MTMR2: variants seen among roughly 807,000 people sequenced by gnomAD.
The protein encoded by MTMR2 is myotubularin related protein 2, also known as phosphatidylinositol-3,5-bisphosphate 3-phosphatase MTMR2.
MTMR2 carries 55 observed loss-of-function variants against 86.9 expected under a neutral mutation model. The observed-to-expected ratio is 0.63, with a 90% CI of 0.51 to 0.79. The LOEUF is 0.79. Ranked by LOEUF, MTMR2 falls within the 30% of genes least tolerant of loss-of-function variation. MTMR2 has a pLI of 0.00. For missense variants in MTMR2, 659 were observed against 772.3 expected, an observed-to-expected ratio of 0.85 and a Z score of 1.74; for synonymous variants, 241 against 266.8, an observed-to-expected ratio of 0.90 and a Z score of 0.94.
chr11:95,858,165 C>A (rs1232493316), intron 6 of MTMR2, among the ~76,000 whole-genome samples: 1 of 152,110 alleles, frequency 6.6e-6, no homozygotes, highest in African/African-American at 2.4e-5. Flanking sequence ...AGTGGGAACT[C>A]AGGGTTTGCC....
chr11:95,884,536 TCTGA>T (rs1481816035), intron 2 of MTMR2, among the ~76,000 whole-genome samples: 13 of 151,994 alleles, frequency 8.6e-5, no homozygotes, highest in African/African-American at 2.9e-4. Flanking sequence ...ATTCACCCTT[TCTGA>T]CTGTCAGGTT....
intron 2 of MTMR2, among the ~76,000 whole-genome samples, chr11:95,885,667 A>G (rs2135543060): frequency 6.6e-6 from 1 of 152,278 alleles, no homozygotes; most frequent in East Asian, 1.9e-4. Flanking sequence ...TCTCCCATGC[A>G]GAATTCAAAA....
chr11:95,906,555 C>T (rs189416246), intron 1 of MTMR2, among the ~76,000 whole-genome samples: 76 of 152,256 alleles, frequency 5.0e-4, no homozygotes, highest in Non-Finnish European at 9.3e-4. Flanking sequence ...ACTTTACATT[C>T]ATCTACAGAA....
At chr11:95,888,098 T>C (rs1336796368) in intron 2 of MTMR2, 58 bp downstream of exon 2, 2 of 1,254,566 alleles carry the variant, frequency 1.6e-6, no homozygotes, top group East Asian at 2.4e-5. Context: ...ATTGATAGTG[T>C]TGGCCACAAA....
At chr11:95,887,455 G>A (rs969823820) in intron 2 of MTMR2, among the ~76,000 whole-genome samples, 4 of 152,012 alleles carry the variant, frequency 2.6e-5, no homozygotes, top group Non-Finnish European at 4.4e-5. Context: ...AAAGTTAAAG[G>A]GTTAGCACTA....
At chr11:95,864,781 G>T (rs576398923) in intron 3 of MTMR2, among the ~76,000 whole-genome samples, 1 of 152,200 alleles carries the variant, frequency 6.6e-6, no homozygotes, top group South Asian at 2.1e-4. Context: ...AATCCATTTA[G>T]AATACAGGTC....
At chr11:95,898,527 CA>C (rs929671738) in intron 1 of MTMR2, among the ~76,000 whole-genome samples, 3 of 151,686 alleles carry the variant, frequency 2.0e-5, no homozygotes, top group South Asian at 2.1e-4. Context: ...CACACACACA[CA>C]AAAAAACACA....
At chr11:95,880,718 A>G (rs774005274) in intron 2 of MTMR2, among the ~76,000 whole-genome samples, 7 of 152,078 alleles carry the variant, frequency 4.6e-5, no homozygotes, top group Admixed American at 6.5e-5. Flanking sequence ...TTGGTTAAAC[A>G]TTATGTATAT....
At position 95,865,543 on chromosome 11, in the gene MTMR2, T is replaced by C. The variant is rs563846590; in HGVS notation, c.262+58A>G. 1.6e-4 allele frequency: 233 copies of C among 1,473,722 alleles called. 2 individuals are homozygous for C. The highest frequency in any genetic ancestry group is 1.4e-3 in the Middle Eastern group (8 of 5,812). The allele number at this position is 1,473,722 out of a possible 1,614,324, so 91.3% of individuals were successfully genotyped here. ...TTTATTCTCTGTATGCTGAGAGTAC[T>C]GAACATTCTGCACAGTAGAACGGAG... On this transcript the variant is annotated intron_variant, in intron 3 of 14. Coordinates refer to ENST00000346299, the MANE Select transcript of MTMR2 (RefSeq NM_016156.6).
chr11:95,852,695 C>T (rs1864065804), intron 7 of MTMR2, among the ~76,000 whole-genome samples: 1 of 152,128 alleles, frequency 6.6e-6, no homozygotes, highest in African/African-American at 2.4e-5. Flanking sequence ...GATTTTTACC[C>T]ATGACTTATT....
At chr11:95,837,376 G>A (rs531076216) in intron 13 of MTMR2, among the ~76,000 whole-genome samples, 16 of 152,008 alleles carry the variant, frequency 1.1e-4, no homozygotes, top group Non-Finnish European at 2.1e-4. Context: ...TATTCCTACT[G>A]TGCTTTATAA....
chr11:95,880,463 CA>C (rs747626737), intron 2 of MTMR2, among the ~76,000 whole-genome samples: 37 of 151,986 alleles, frequency 2.4e-4, no homozygotes, highest in Non-Finnish European at 4.0e-4. Flanking sequence ...GGACTTTCTA[CA>C]TTAGTAAAAC....
chr11:95,896,409 G>A (rs1015625389), intron 1 of MTMR2, among the ~76,000 whole-genome samples: 2 of 150,648 alleles, frequency 1.3e-5, no homozygotes, highest in African/African-American at 4.9e-5. Flanking sequence ...TCAAATTCTT[G>A]GACTCAAGTG....
At chr11:95,901,821 T>C in intron 1 of MTMR2, among the ~76,000 whole-genome samples, 1 of 152,056 alleles carries the variant, frequency 6.6e-6, no homozygotes, top group Non-Finnish European at 1.5e-5. Context: ...AGATAAAGCT[T>C]AACTGGATTT....
intron 1 of MTMR2, among the ~76,000 whole-genome samples, chr11:95,900,627 A>T (rs932067170): frequency 6.8e-6 from 1 of 147,822 alleles, no homozygotes; most frequent in Non-Finnish European, 1.5e-5. Flanking sequence ...TGTAGATAAC[A>T]TTTTTTTTTT....
chr11:95,845,020 C>T lies in MTMR2; in HGVS notation c.1319G>A (p.Arg440Gln), dbSNP rs1383802560. 10 of 1,613,682 alleles carry T rather than the reference C, an allele frequency of 6.2e-6. No individual in the cohort carries two copies. Among genetic ancestry groups the T allele is most frequent in the Non-Finnish European group, 8.5e-6 (10 of 1,179,834 alleles). The stretch of plus-strand genomic sequence containing the variant: ...AAGGACTTCAAATCCTCGGATGGTT[C>T]GATAGTATCCATCCAACATGAGCAT... ...LAMLMLDGYY[R>Q]TIRGFEVLVE... The change falls in exon 11 of 15, where the codon CGA (arginine) becomes CAA (glutamine). Residue 440 changes from arginine to glutamine, a missense_variant. By Grantham distance (43) the Arg-to-Gln change is conservative. Transcript: ENST00000346299.
chr11:95,841,612 A>G lies in MTMR2; in HGVS notation c.1479+5T>C. 1.3e-6 allele frequency: 2 copies of G among 1,579,986 alleles called. No individual in the cohort carries two copies. The highest frequency in any genetic ancestry group is 3.3e-5 in the Admixed American group (2 of 59,812). On this transcript the variant is annotated splice_donor_5th_base_variant and intron_variant, in intron 12 of 14. Transcript: ENST00000346299. ...GTGTAAGAATACATAGGCCAGATAA[A>G]TTACCTGTCTTGTCATCTGCCAGAC...
chr11:95,862,429 T>C (rs1864461596), intron 3 of MTMR2, 63 bp from the exon 4 acceptor site: 2 of 1,225,344 alleles, frequency 1.6e-6, no homozygotes, highest in Non-Finnish European at 2.4e-6. Flanking sequence ...TGCTATCTCA[T>C]CTTATAAAAT....
At chr11:95,905,311 A>G (rs1565383779) in intron 1 of MTMR2, among the ~76,000 whole-genome samples, 1 of 138,894 alleles carries the variant, frequency 7.2e-6, no homozygotes, top group Non-Finnish European at 1.5e-5. Context: ...ATATTCTTAC[A>G]CACACACGCA....
Sources: gnomAD v4.1 joint callset for allele counts (sites outside exome capture counted in the v4.1 genomes callset) on GRCh38, gnomAD v4.1.1 for gene constraint, MANE v1.5 for transcripts, NCBI Gene and HGNC (gene_info 2026-07-23, HGNC 2026-07-21) for gene names.